Variants in HADH observed in about 807,000 individuals in gnomAD.
The protein encoded by HADH is hydroxyacyl-CoA dehydrogenase.
A neutral mutation model predicts 32.2 loss-of-function variants in HADH; 24 were observed. The observed-to-expected ratio is 0.75, with a 90% CI of 0.54 to 1.05. The LOEUF is 1.05. Among genes scored for constraint, HADH ranks in the 50% least tolerant of loss-of-function variants. HADH has a pLI of 0.00. For synonymous variants in HADH, 139 were observed against 152.5 expected (o/e 0.91, Z 0.65); for missense variants, 350 against 397.1 (o/e 0.88, Z 1.01).
In HADH at chr4:108,009,711, G is replaced by C. The variant is rs374890724; in HGVS notation, c.133-48G>C. On this transcript the variant is annotated intron_variant, in intron 1 of 7. Coordinates refer to ENST00000309522, the MANE Select transcript of HADH (RefSeq NM_005327.7). ...TGGGGTGGGGTGTGTGCGCGTGCGT[G>C]TTATGTTTTCTTTCTTTTAAAAAGA... 18 of 1,596,268 alleles carry C rather than the reference G, an allele frequency of 1.1e-5. No individual in the cohort carries two copies. The African/African-American group carries it at 2.4e-4, about 21-fold the overall frequency.
chr4:107,993,147 T>G (rs1220352446), intron 1 of HADH, among the ~76,000 whole-genome samples: 1 of 152,162 alleles, frequency 6.6e-6, no homozygotes, highest in African/African-American at 2.4e-5. Flanking sequence ...AATCATCATC[T>G]TCATTGCAGT....
intron 1 of HADH, among the ~76,000 whole-genome samples, chr4:108,000,524 C>G (rs1735091570): frequency 6.6e-6 from 1 of 152,188 alleles, no homozygotes; most frequent in Non-Finnish European, 1.5e-5. Context: ...CATTACATAA[C>G]TGAGCAGCCA....
intron 4 of HADH, among the ~76,000 whole-genome samples, chr4:108,021,535 A>G (rs973595051): frequency 6.6e-6 from 1 of 152,130 alleles, no homozygotes; most frequent in Non-Finnish European, 1.5e-5. Context: ...GTATATATAT[A>G]TGTATTTTTT....
At chr4:108,023,393 T>G in intron 4 of HADH, 81 bp from the exon 5 acceptor site, 1 of 846,398 alleles carries the variant, frequency 1.2e-6, no homozygotes, top group South Asian at 1.3e-5. Context: ...TATGGAGCCT[T>G]TTGATCAATC....
chr4:108,032,066 A>C, intron 6 of HADH: 2 of 357,144 alleles, frequency 5.6e-6, no homozygotes, highest in Non-Finnish European at 1.0e-5. Context: ...TGCTTTTAAA[A>C]ATATATCTTC....
chr4:107,991,660 A>G (rs998397663), intron 1 of HADH, among the ~76,000 whole-genome samples: 3 of 152,172 alleles, frequency 2.0e-5, no homozygotes, highest in Non-Finnish European at 4.4e-5. Flanking sequence ...TGGGAGGAGT[A>G]ACTCCCTTTA....
chr4:107,996,907 AAAAG>A (rs1734974101), intron 1 of HADH, among the ~76,000 whole-genome samples: 1 of 152,098 alleles, frequency 6.6e-6, no homozygotes, highest in Non-Finnish European at 1.5e-5. Flanking sequence ...AAAAAAAAAA[AAAAG>A]AACAAACCAG....
At chr4:108,002,933 G>A (rs1735165469) in intron 1 of HADH, among the ~76,000 whole-genome samples, 1 of 152,214 alleles carries the variant, frequency 6.6e-6, no homozygotes, top group African/African-American at 2.4e-5. Flanking sequence ...TCACATGCCT[G>A]GCACTGGTCT....
intron 1 of HADH, among the ~76,000 whole-genome samples, chr4:107,992,538 G>T (rs1734844861): frequency 6.6e-6 from 1 of 152,136 alleles, no homozygotes. Context: ...CGAATTAGTT[G>T]ATGTGTTTTG....
At chr4:108,027,489 G>C in intron 5 of HADH, 199 bp from the exon 6 acceptor site, 2 of 639,048 alleles carry the variant, frequency 3.1e-6, no homozygotes, top group Non-Finnish European at 5.7e-6. Context: ...GGGTTTGAAT[G>C]TTTTTTTAAG....
At chr4:108,026,789 C>G (rs989525061) in intron 5 of HADH, 1 of 152,244 alleles carries the variant, frequency 6.6e-6, no homozygotes, top group Admixed American at 6.5e-5. Flanking sequence ...TCAGGAAGAT[C>G]ACAGCCTTTT....
intron 1 of HADH, among the ~76,000 whole-genome samples, chr4:107,993,260 C>T (rs1179760278): frequency 6.6e-6 from 1 of 152,164 alleles, no homozygotes; most frequent in Non-Finnish European, 1.5e-5. Flanking sequence ...GGTCATGATT[C>T]CCTGTTTCAT....
At chr4:108,005,041 C>CTT in intron 1 of HADH, 1 of 616,910 alleles carries the variant, frequency 1.6e-6, no homozygotes. Flanking sequence ...TATATACCTT[C>CTT]TTTTTTTCTT....
intron 1 of HADH, among the ~76,000 whole-genome samples, chr4:107,998,880 T>C (rs546819385): frequency 2.6e-5 from 4 of 152,296 alleles, no homozygotes; most frequent in African/African-American, 9.6e-5. Flanking sequence ...GTTGTACATA[T>C]TGGTCTTCAA....
intron 1 of HADH, chr4:108,004,566 A>C: frequency 2.6e-6 from 3 of 1,154,244 alleles, no homozygotes; most frequent in Non-Finnish European, 3.5e-6. Context: ...ACATGTAACC[A>C]AAAGCTGTGA....
At chr4:108,032,193 T>C (rs1288290241) in intron 6 of HADH, 2 of 560,834 alleles carry the variant, frequency 3.6e-6, no homozygotes, top group African/African-American at 1.8e-5. Context: ...TAGCCACCTG[T>C]TGCAGACTAT....
intron 2 of HADH, 90 bp downstream of exon 2, chr4:108,009,977 CTTTTTT>C (rs11388783): frequency 1.3e-4 from 70 of 552,164 alleles, no homozygotes; most frequent in South Asian, 7.2e-4. Context: ...TTCTTTCTTT[CTTTTTT>C]TTTTTTTTTT....
chr4:107,990,743 C>CTTTTTTT (rs553014808), intron 1 of HADH, among the ~76,000 whole-genome samples: 11 of 111,842 alleles, frequency 9.8e-5, no homozygotes, highest in Admixed American at 9.7e-5. Context: ...AAGTCTCTCT[C>CTTTTTTT]TTTTTTTTTT....
chr4:107,990,038 G>T lies in HADH; in HGVS notation c.106G>T (p.Gly36Trp), dbSNP rs994692222. The T allele has an allele frequency of 2.5e-6, 4 of 1,610,842 alleles. No homozygotes were observed. In the South Asian group the frequency reaches 4.4e-5, roughly 18 times the overall value. The part of the protein sequence containing the change: ...IVKHVTVIGG[G>W]LMGAGIAQVA... Reference sequence around the variant, plus strand: ...CAAGCACGTGACGGTCATCGGCGGCGGGCTGATGGGCGCCGGCATTGCCCA... The same window carrying T: ...CAAGCACGTGACGGTCATCGGCGGCTGGCTGATGGGCGCCGGCATTGCCCA... The change falls in exon 1 of 8, where the codon GGG becomes TGG. Residue 36 changes from glycine to tryptophan, a missense_variant. Coordinates refer to ENST00000309522, the MANE Select transcript of HADH (RefSeq NM_005327.7).
Sources: gnomAD v4.1 joint callset for allele counts (sites outside exome capture counted in the v4.1 genomes callset) on GRCh38, gnomAD v4.1.1 for gene constraint, MANE v1.5 for transcripts, NCBI Gene and HGNC (gene_info 2026-07-23, HGNC 2026-07-21) for gene names.